The following GFOD2 variants were observed in gnomAD, a reference collection of about 807,000 sequenced individuals.
GFOD2 encodes glucose-fructose oxidoreductase domain-containing protein 2.
GFOD2 carries 9 observed loss-of-function variants against 24.6 expected under a neutral mutation model. That is an observed-to-expected ratio of 0.37 (90% CI 0.22 to 0.64). GFOD2 has a LOEUF of 0.64. Among genes scored for constraint, GFOD2 ranks in the 30% least tolerant of loss-of-function variants. GFOD2 has a pLI of 0.65. For missense variants in GFOD2, 476 were observed against 532.5 expected (o/e 0.89, Z 1.04); for synonymous variants, 211 against 224.8 (o/e 0.94, Z 0.55).
At chr16:67,696,292 C>T (rs1449131487) in intron 1 of GFOD2, among the ~76,000 whole-genome samples, 2 of 150,398 alleles carry the variant, frequency 1.3e-5, no homozygotes, top group Non-Finnish European at 3.0e-5. Context: ...GGATTACAGG[C>T]GTGAGCCACC....
intron 1 of GFOD2, among the ~76,000 whole-genome samples, chr16:67,690,331 C>T (rs1310604848): frequency 6.6e-6 from 1 of 152,040 alleles, no homozygotes; most frequent in African/African-American, 2.4e-5. Flanking sequence ...CTCACCAACC[C>T]TTGTTATTTT....
chr16:67,691,469 A>G (rs2053312316), intron 1 of GFOD2, among the ~76,000 whole-genome samples: 1 of 151,202 alleles, frequency 6.6e-6, no homozygotes, highest in Admixed American at 6.6e-5. Context: ...TGGCCTCCCA[A>G]AGCGCTAGGA....
Position 67,685,605 on chromosome 16 carries a change from A to G in GFOD2, c.111T>C (p.Thr37=), listed in dbSNP as rs1324577663. The change falls in exon 2 of 3, where the codon ACT becomes ACC. Residue 37 remains threonine, a synonymous_variant. Coordinates refer to ENST00000268797, the MANE Select transcript of GFOD2 (RefSeq NM_030819.4). ...CAGCAAGCTGCTTCGCCTCCTCCTC[A>G]GTCTTCCCCCACAGGGCCTCAACAG... The part of the protein sequence containing the change: ...GFTVEALWGK[T]EEEAKQLAEE... 6.2e-7 allele frequency: 1 copy of G among 1,614,142 alleles called. No individual in the cohort carries two copies. The highest frequency in any genetic ancestry group is 8.5e-7 in the Non-Finnish European group (1 of 1,180,028).
chr16:67,681,432 GTT>G, intron 2 of GFOD2: 2 of 983,714 alleles, frequency 2.0e-6, no homozygotes, highest in Non-Finnish European at 2.4e-6. Context: ...GTCTGTTTTT[GTT>G]TTTTTAGATG....
chr16:67,683,985 A>G (rs1192558388), intron 2 of GFOD2: 5 of 843,070 alleles, frequency 5.9e-6, no homozygotes, highest in Non-Finnish European at 7.2e-6. Flanking sequence ...ATTGGACTAT[A>G]AAATCTGAAG....
intron 1 of GFOD2, among the ~76,000 whole-genome samples, chr16:67,700,299 CG>C (rs1243160830): frequency 6.6e-6 from 1 of 150,900 alleles, no homozygotes; most frequent in Non-Finnish European, 1.5e-5. Flanking sequence ...TGCTTGAACC[CG>C]GGAAGCAGAG....
At chr16:67,684,648 A>G in intron 2 of GFOD2, 1 of 624,152 alleles carries the variant, frequency 1.6e-6, no homozygotes, top group Non-Finnish European at 2.0e-6. Flanking sequence ...GTGAGCCGGG[A>G]TTGCGCCATT....
At chr16:67,690,529 G>A (rs1163254990) in intron 1 of GFOD2, among the ~76,000 whole-genome samples, 2 of 151,834 alleles carry the variant, frequency 1.3e-5, no homozygotes, top group South Asian at 2.1e-4. Context: ...TTACAGGCAT[G>A]AGCCACCATG....
At chr16:67,696,882 A>G (rs1194243603) in intron 1 of GFOD2, among the ~76,000 whole-genome samples, 32 of 152,228 alleles carry the variant, frequency 2.1e-4, no homozygotes. Flanking sequence ...GCATGAAGGC[A>G]GGCAGGCTTG....
rs1360210709 is a variant in GFOD2, at chr16:67,674,809, G to A, written c.*346C>T. The A allele has an allele frequency of 8.2e-6, 2 of 242,766 alleles. No individual in the cohort carries two copies. Among genetic ancestry groups the A allele is most frequent in the Non-Finnish European group, 1.6e-5 (2 of 125,782 alleles). 15.0% of individuals were successfully genotyped at this position (242,766 alleles called of 1,614,324 possible). ...TTTCTCCTCAGGCCTCAGCCGAGCT[G>A]GCCCCTCTTGTGCTTTCTCACCCTG... On this transcript the variant is annotated 3_prime_UTR_variant, in exon 3 of 3. Coordinates refer to ENST00000268797, the MANE Select transcript of GFOD2 (RefSeq NM_030819.4).
intron 1 of GFOD2, among the ~76,000 whole-genome samples, chr16:67,694,482 T>A (rs1257622369): frequency 4.6e-5 from 7 of 152,146 alleles, no homozygotes; most frequent in Non-Finnish European, 1.5e-5. Context: ...TATTTTAATA[T>A]AGAGGCAGCA....
rs192938090 is a variant in GFOD2, at chr16:67,700,036, C to T, written c.-87-14234G>A. 4.1e-3 allele frequency among the ~76,000 whole-genome samples: 626 copies of T among 152,152 alleles called. 18 individuals carry two copies. Among genetic ancestry groups the T allele is most frequent in the Admixed American group, 0.037 (567 of 15,274 alleles). On this transcript the variant is annotated intron_variant, in intron 1 of 2. Coordinates refer to ENST00000268797, the MANE Select transcript of GFOD2 (RefSeq NM_030819.4). ...GTTGCAGTGAGCCATTTTTGCACCA[C>T]TACACTTCAGCCTGGGCAACAAGAG...
intron 1 of GFOD2, among the ~76,000 whole-genome samples, chr16:67,709,326 G>A (rs1164781515): frequency 6.6e-6 from 1 of 151,826 alleles, no homozygotes; most frequent in African/African-American, 2.4e-5. Flanking sequence ...AAAAAGATTG[G>A]GACATTAGCT....
chr16:67,696,559 T>C (rs2053360981), intron 1 of GFOD2, among the ~76,000 whole-genome samples: 2 of 151,952 alleles, frequency 1.3e-5, no homozygotes, highest in African/African-American at 2.4e-5. Context: ...CTGCAAGCTC[T>C]GCCTCCTGGA....
At chr16:67,685,385 G>C (rs2053258238) in intron 2 of GFOD2, 72 bp downstream of exon 2, 2 of 1,602,168 alleles carry the variant, frequency 1.2e-6, no homozygotes. Flanking sequence ...GCTCAGAGGA[G>C]AGGAGTGACC....
intron 1 of GFOD2, among the ~76,000 whole-genome samples, chr16:67,714,496 T>A (rs1400064103): frequency 1.5e-4 from 22 of 148,466 alleles, no homozygotes; most frequent in Admixed American, 1.4e-3. Flanking sequence ...AAAAAAAAAT[T>A]ACGATCCAGA....
chr16:67,711,909 G>A (rs1005987633), intron 1 of GFOD2, among the ~76,000 whole-genome samples: 16 of 151,848 alleles, frequency 1.1e-4, no homozygotes, highest in African/African-American at 2.7e-4. Context: ...TCTCTCTCAC[G>A]TTTCCTTCAG....
At chr16:67,695,420 AT>A (rs1481083375) in intron 1 of GFOD2, among the ~76,000 whole-genome samples, 2 of 148,762 alleles carry the variant, frequency 1.3e-5, no homozygotes, top group African/African-American at 5.2e-5. Flanking sequence ...CCCTTCGGCT[AT>A]TTGGTCACTG....
intron 1 of GFOD2, among the ~76,000 whole-genome samples, chr16:67,702,592 ATTTTTT>A (rs561204882): frequency 5.7e-5 from 6 of 104,714 alleles, no homozygotes; most frequent in Admixed American, 1.2e-4. Context: ...GGTAGCCAGG[ATTTTTT>A]TTTTTTTTTT....
Sources: gnomAD v4.1 joint callset for allele counts (sites outside exome capture counted in the v4.1 genomes callset) on GRCh38, gnomAD v4.1.1 for gene constraint, MANE v1.5 for transcripts, NCBI Gene and HGNC (gene_info 2026-07-23, HGNC 2026-07-21) for gene names.